The following IQGAP2 variants were observed in gnomAD, a reference collection of about 807,000 sequenced individuals.
IQGAP2 encodes ras GTPase-activating-like protein IQGAP2.
Under a neutral mutation model 201.3 loss-of-function variants are expected in IQGAP2, and 173 were observed. That is an observed-to-expected ratio of 0.86 (90% confidence interval 0.76 to 0.98). IQGAP2 has a LOEUF of 0.98. Among genes scored for constraint, IQGAP2 ranks in the 50% least tolerant of loss-of-function variants. The pLI, the probability that IQGAP2 is intolerant of heterozygous loss-of-function variation, is 0.00. For missense variants in IQGAP2, 1,687 were observed against 1,864.8 expected, an observed-to-expected ratio of 0.90 and a Z score of 1.76; for synonymous variants, 675 against 673.9, an observed-to-expected ratio of 1.00 and a Z score of -0.03.
intron 17 of IQGAP2, 138 bp from the exon 18 acceptor site, chr5:76,652,612 G>A: frequency 1.4e-6 from 1 of 714,280 alleles, no homozygotes; most frequent in Non-Finnish European, 2.6e-6. Context: ...CAGAGAGGGT[G>A]TCCAGATGAG....
chr5:76,662,177 A>AG (rs1398274564), intron 21 of IQGAP2, among the ~76,000 whole-genome samples: 1 of 152,236 alleles, frequency 6.6e-6, no homozygotes, highest in Non-Finnish European at 1.5e-5. Flanking sequence ...GAGAAGGAAG[A>AG]GGGGCTATCC....
At chr5:76,548,965 G>T (rs1580429621) in intron 2 of IQGAP2, among the ~76,000 whole-genome samples, 1 of 152,148 alleles carries the variant, frequency 6.6e-6, no homozygotes, top group Non-Finnish European at 1.5e-5. Flanking sequence ...GGAGAAGAAG[G>T]CATGTTTGAT....
intron 2 of IQGAP2, among the ~76,000 whole-genome samples, chr5:76,532,862 C>G (rs1381162636): frequency 6.6e-6 from 1 of 152,244 alleles, no homozygotes; most frequent in East Asian, 1.9e-4. Flanking sequence ...CCCATGCCAC[C>G]AGGGCAGCTA....
chr5:76,519,454 G>T (rs576214767), intron 2 of IQGAP2, among the ~76,000 whole-genome samples: 3 of 152,286 alleles, frequency 2.0e-5, no homozygotes, highest in African/African-American at 7.2e-5. Flanking sequence ...AGGACATGTG[G>T]GATGTTTTCA....
intron 1 of IQGAP2, among the ~76,000 whole-genome samples, chr5:76,452,476 A>G (rs1373108399): frequency 6.6e-6 from 1 of 152,100 alleles, no homozygotes; most frequent in East Asian, 1.9e-4. Context: ...ATTTGTCAAT[A>G]TTGAATATTA....
chr5:76,536,514 C>T (rs916608906), intron 2 of IQGAP2, among the ~76,000 whole-genome samples: 1 of 151,686 alleles, frequency 6.6e-6, no homozygotes, highest in Non-Finnish European at 1.5e-5. Context: ...AATCCCAGCA[C>T]TTTGGGAGGC....
intron 24 of IQGAP2, among the ~76,000 whole-genome samples, chr5:76,672,483 T>A (rs1744422459): frequency 6.6e-6 from 1 of 152,192 alleles, no homozygotes; most frequent in African/African-American, 2.4e-5. Context: ...CAGTACTGTT[T>A]GTAATAATAA....
chr5:76,634,910 C>T (rs200876811), intron 15 of IQGAP2, among the ~76,000 whole-genome samples: 1 of 28,280 alleles, frequency 3.5e-5, no homozygotes, highest in Non-Finnish European at 8.8e-5. Context: ...TTCTAAGTAA[C>T]AAACCAACTG....
chr5:76,585,122 T>C (rs1488094614), intron 5 of IQGAP2, among the ~76,000 whole-genome samples: 2 of 152,178 alleles, frequency 1.3e-5, no homozygotes, highest in African/African-American at 4.8e-5. Flanking sequence ...CTAAATTATC[T>C]CAATATTCCA....
At chr5:76,533,072 A>G (rs780944276) in intron 2 of IQGAP2, among the ~76,000 whole-genome samples, 1 of 152,162 alleles carries the variant, frequency 6.6e-6, no homozygotes, top group Non-Finnish European at 1.5e-5. Flanking sequence ...GCTCTTTCCA[A>G]AGAAATCCTC....
At chr5:76,669,411 G>A (rs1744090154) in intron 23 of IQGAP2, among the ~76,000 whole-genome samples, 1 of 152,152 alleles carries the variant, frequency 6.6e-6, no homozygotes, top group Admixed American at 6.5e-5. Context: ...CTGCCCACCA[G>A]GTGTCTGTAA....
At chr5:76,609,026 T>G in intron 12 of IQGAP2, 1 of 1,382,042 alleles carries the variant, frequency 7.2e-7, no homozygotes, top group Non-Finnish European at 9.9e-7. Flanking sequence ...ACAGAGGAAG[T>G]GATGCATATG....
chr5:76,681,322 T>A (rs1412533982), intron 28 of IQGAP2, among the ~76,000 whole-genome samples: 1 of 151,930 alleles, frequency 6.6e-6, no homozygotes, highest in African/African-American at 2.4e-5. Flanking sequence ...GCAAATCACA[T>A]GTCTGGTAAA....
At chr5:76,501,835 G>A (rs1349798665) in intron 2 of IQGAP2, among the ~76,000 whole-genome samples, 1 of 151,670 alleles carries the variant, frequency 6.6e-6, no homozygotes, top group East Asian at 1.9e-4. Flanking sequence ...AGAGGCGGGG[G>A]TTTCACCATG....
At chr5:76,633,772 C>T (rs1024114431) in intron 15 of IQGAP2, among the ~76,000 whole-genome samples, 4 of 152,148 alleles carry the variant, frequency 2.6e-5, no homozygotes, top group African/African-American at 9.7e-5. Context: ...TTCATGTAAA[C>T]AGAATTATAC....
chr5:76,580,005 G>T (rs1226341697), intron 5 of IQGAP2, among the ~76,000 whole-genome samples: 4 of 152,200 alleles, frequency 2.6e-5, no homozygotes, highest in African/African-American at 7.2e-5. Context: ...GCCAGGTGTT[G>T]TGGCTCATGC....
At chr5:76,410,302 A>G (rs116395790) in intron 1 of IQGAP2, among the ~76,000 whole-genome samples, 2,570 of 152,280 alleles carry the variant, frequency 0.017, 59 homozygotes, top group South Asian at 0.1. Flanking sequence ...GTACTGTGGA[A>G]TCTTCTATTT....
chr5:76,566,611 G>A (rs555690784), intron 3 of IQGAP2, among the ~76,000 whole-genome samples: 3 of 152,220 alleles, frequency 2.0e-5, no homozygotes, highest in Admixed American at 1.3e-4. Flanking sequence ...TGCAGTTTGC[G>A]CTTCAGAAAC....
chr5:76,640,824 A>T, intron 16 of IQGAP2, 109 bp from the exon 17 acceptor site: 1 of 827,606 alleles, frequency 1.2e-6, no homozygotes, highest in South Asian at 2.6e-5. Context: ...AAACCAAGCC[A>T]AAAGGAGACA....
Sources: gnomAD v4.1 joint callset for allele counts (sites outside exome capture counted in the v4.1 genomes callset) on GRCh38, gnomAD v4.1.1 for gene constraint, MANE v1.5 for transcripts, NCBI Gene and HGNC (gene_info 2026-07-23, HGNC 2026-07-21) for gene names.